The following RARB variants were observed in gnomAD, a reference collection of about 807,000 sequenced individuals.
The protein encoded by RARB is HBV-activated protein.
RARB carries 17 observed loss-of-function variants against 51.9 expected under a neutral mutation model. The observed-to-expected ratio is 0.33, with a 90% confidence interval of 0.22 to 0.49. The LOEUF is 0.49. Among genes scored for constraint, RARB ranks in the 20% least tolerant of loss-of-function variants. The pLI is 0.99. For synonymous variants in RARB, 215 were observed against 195.4 expected (o/e 1.10, Z -0.84); for missense variants, 369 against 550.8 (o/e 0.67, Z 3.30).
At chr3:24,857,452 A>G (rs140054541) in intron 1 of RARB, among the ~76,000 whole-genome samples, 3 of 152,338 alleles carry the variant, frequency 2.0e-5, no homozygotes, top group African/African-American at 7.2e-5. Flanking sequence ...TACACAACAA[A>G]TATATTTTTT....
At chr3:25,366,515 C>A (rs1476553026) in intron 5 of RARB, among the ~76,000 whole-genome samples, 1 of 151,638 alleles carries the variant, frequency 6.6e-6, no homozygotes, top group Non-Finnish European at 1.5e-5. Flanking sequence ...GTAGATAGCA[C>A]AAAGATTCCT....
At chr3:25,417,216 G>GAA (rs1247429432) in intron 5 of RARB, among the ~76,000 whole-genome samples, 4 of 145,556 alleles carry the variant, frequency 2.7e-5, no homozygotes, top group Non-Finnish European at 6.0e-5. Context: ...AAAAAAAACT[G>GAA]CTGCCTGTCT....
At chr3:25,034,458 G>T (rs571194208) in intron 2 of RARB, among the ~76,000 whole-genome samples, 1 of 152,330 alleles carries the variant, frequency 6.6e-6, no homozygotes, top group South Asian at 2.1e-4. Context: ...AGGCTTGAAC[G>T]AGTGGATAGA....
chr3:25,327,975 T>G (rs1704775566), intron 5 of RARB, among the ~76,000 whole-genome samples: 1 of 152,214 alleles, frequency 6.6e-6, no homozygotes, highest in South Asian at 2.1e-4. Context: ...CTAGTTGGCT[T>G]TGCAGTAAAA....
At chr3:24,853,095 A>G (rs1029712180) in intron 1 of RARB, among the ~76,000 whole-genome samples, 21 of 151,802 alleles carry the variant, frequency 1.4e-4, no homozygotes, top group African/African-American at 4.6e-4. Flanking sequence ...CGGGTGGATC[A>G]TGAGGTCGGG....
chr3:25,193,694 C>T (rs906834033), intron 5 of RARB, among the ~76,000 whole-genome samples: 3 of 151,946 alleles, frequency 2.0e-5, no homozygotes, highest in African/African-American at 7.2e-5. Flanking sequence ...CGACATATTT[C>T]AACAATTCTC....
intron 2 of RARB, among the ~76,000 whole-genome samples, chr3:24,878,457 G>A (rs1359324545): frequency 1.3e-5 from 2 of 152,022 alleles, no homozygotes; most frequent in Non-Finnish European, 2.9e-5. Context: ...ATGATTTGGA[G>A]TGGGAAGCAA....
intron 2 of RARB, among the ~76,000 whole-genome samples, chr3:25,039,158 T>A (rs1257054863): frequency 6.6e-6 from 1 of 152,214 alleles, no homozygotes; most frequent in Non-Finnish European, 1.5e-5. Context: ...GCTAATGTGA[T>A]CACATATCCT....
At chr3:25,140,294 C>A (rs1422079736) in intron 4 of RARB, among the ~76,000 whole-genome samples, 1 of 152,136 alleles carries the variant, frequency 6.6e-6, no homozygotes. Context: ...ATGTCATTAA[C>A]AACATTTGTG....
At chr3:24,986,551 T>C (rs1025932594) in intron 2 of RARB, among the ~76,000 whole-genome samples, 2 of 152,240 alleles carry the variant, frequency 1.3e-5, no homozygotes, top group African/African-American at 4.8e-5. Context: ...GAAATATTAA[T>C]AGTAGTTAAT....
rs567114081 is a variant in RARB, at chr3:24,978,881, A to G, written c.-379-81244A>G. On this transcript the variant is annotated intron_variant, in intron 2 of 11. Transcript: ENST00000383772. Reference sequence around the variant, plus strand: ...TTAGATCTTTTCTGTTTTCTCTTGTAGGCATTTAGTGCTATATATTTCCCT... The same window carrying G: ...TTAGATCTTTTCTGTTTTCTCTTGTGGGCATTTAGTGCTATATATTTCCCT... Among the ~76,000 whole-genome samples, 3 of 152,142 alleles carry G rather than the reference A, an allele frequency of 2.0e-5. No homozygotes were observed. The East Asian group carries it at 5.8e-4, about 29-fold the overall frequency.
intron 2 of RARB, among the ~76,000 whole-genome samples, chr3:24,948,548 C>T (rs1197315143): frequency 6.6e-6 from 1 of 152,160 alleles, no homozygotes; most frequent in Non-Finnish European, 1.5e-5. Context: ...AAAATATTCT[C>T]ATGTTGTGAT....
chr3:25,581,982 G>C (rs150615670), intron 5 of RARB, among the ~76,000 whole-genome samples: 15 of 152,258 alleles, frequency 9.9e-5, no homozygotes, highest in Non-Finnish European at 1.5e-4. Context: ...GGTCACAGAT[G>C]GGGGTGGTGC....
intron 2 of RARB, among the ~76,000 whole-genome samples, chr3:25,029,322 T>C (rs1334087756): frequency 6.6e-6 from 1 of 152,220 alleles, no homozygotes; most frequent in Non-Finnish European, 1.5e-5. Flanking sequence ...GTGAGAAACC[T>C]AAGAGTCAAA....
intron 2 of RARB, among the ~76,000 whole-genome samples, chr3:24,866,157 C>A (rs1036105221): frequency 1.3e-5 from 2 of 152,072 alleles, no homozygotes; most frequent in African/African-American, 2.4e-5. Flanking sequence ...CCCTTCACAC[C>A]TGATCCTGCC....
chr3:25,385,188 A>T (rs1214941942), intron 5 of RARB, among the ~76,000 whole-genome samples: 1 of 152,168 alleles, frequency 6.6e-6, no homozygotes, highest in African/African-American at 2.4e-5. Flanking sequence ...TCTCTGTTAC[A>T]CAAGATTCAG....
intron 5 of RARB, among the ~76,000 whole-genome samples, chr3:25,247,984 T>A (rs1702609737): frequency 6.6e-6 from 1 of 152,218 alleles, no homozygotes; most frequent in South Asian, 2.1e-4. Context: ...AGTGTTGAAG[T>A]CCCCAACTAT....
At chr3:25,113,389 T>C (rs1699635127) in intron 3 of RARB, among the ~76,000 whole-genome samples, 1 of 152,206 alleles carries the variant, frequency 6.6e-6, no homozygotes. Flanking sequence ...TTCTGGTTTA[T>C]TTTGACAATC....
chr3:24,855,510 C>T (rs574443317), intron 1 of RARB, among the ~76,000 whole-genome samples: 147 of 152,218 alleles, frequency 9.7e-4, no homozygotes, highest in Non-Finnish European at 1.9e-3. Flanking sequence ...CCTTTGTATA[C>T]CTGTTCCCTG....
Sources: allele counts gnomAD v4.1 joint callset (sites outside exome capture counted in the v4.1 genomes callset), GRCh38; gene constraint gnomAD v4.1.1; transcripts MANE v1.5; gene names NCBI Gene and HGNC (gene_info 2026-07-23, HGNC 2026-07-21).